Variants in MATN2 observed in about 807,000 individuals in gnomAD.
The protein encoded by MATN2 is matrilin 2, also known as matrilin-2.
A neutral mutation model predicts 103.2 loss-of-function variants in MATN2; 69 were observed. That is an observed-to-expected ratio of 0.67 (90% CI 0.55 to 0.82). The LOEUF (loss-of-function observed/expected upper bound fraction) is 0.82. Ranked by LOEUF, MATN2 falls within the 40% of genes least tolerant of loss-of-function variation. The pLI is 0.00. For missense variants in MATN2, 1,023 were observed against 1,211.5 expected, an observed-to-expected ratio of 0.84 and a Z score of 2.31; for synonymous variants, 429 against 450.2, an observed-to-expected ratio of 0.95 and a Z score of 0.60.
intron 5 of MATN2, among the ~76,000 whole-genome samples, chr8:97,974,998 T>C (rs4517092): frequency 0.046 from 6,996 of 152,266 alleles, 554 homozygotes; most frequent in East Asian, 0.34. Flanking sequence ...TGCAGTTGGT[T>C]CACAGACCAC....
intron 13 of MATN2, chr8:98,025,092 GC>G (rs1230911284): frequency 6.6e-6 from 1 of 152,228 alleles, no homozygotes; most frequent in Non-Finnish European, 1.5e-5. Context: ...CTGCTGAAGA[GC>G]CACATGCATG....
intron 1 of MATN2, among the ~76,000 whole-genome samples, chr8:97,878,658 T>C (rs1021702656): frequency 2.0e-5 from 3 of 151,942 alleles, no homozygotes; most frequent in African/African-American, 7.3e-5. Context: ...AAGACCAGCC[T>C]AGCCAACGTG....
Position 97,941,895 on chromosome 8 carries a change from C to T in MATN2, c.831C>T (p.Cys277=). 1.2e-6 allele frequency: 2 copies of T among 1,612,810 alleles called. No individual in the cohort carries two copies. Among genetic ancestry groups the T allele is most frequent in the Non-Finnish European group, 1.7e-6 (2 of 1,179,120 alleles). ...TTCTCAACTCGGATCAGACGACTTGCAGAAGTAAGATTGCTTTGCTGATGT... is the reference window on the plus strand; with the variant it reads ...TTCTCAACTCGGATCAGACGACTTGTAGAAGTAAGATTGCTTTGCTGATGT... The part of the protein sequence containing the change: ...GYILNSDQTT[C]RIQDLCAMED... Residue 277 remains cysteine (C), a synonymous_variant, in exon 4 of 19, where the codon TGC becomes TGT. Coordinates refer to ENST00000254898, the MANE Select transcript of MATN2 (RefSeq NM_002380.5).
chr8:98,007,797 C>T lies in MATN2; in HGVS notation c.1573+196C>T, dbSNP rs529918234. 3.9e-5 allele frequency among the ~76,000 whole-genome samples: 6 copies of T among 152,322 alleles called. No individual in the cohort carries two copies. The highest frequency in any genetic ancestry group is 3.4e-3 in the Middle Eastern group (1 of 294). On this transcript the variant is annotated intron_variant, in intron 10 of 18. Coordinates refer to ENST00000254898, the MANE Select transcript of MATN2 (RefSeq NM_002380.5). This position sits in a 1 kb window ranked among gnomAD's most constrained non-coding sequence, Gnocchi z 4.2. ...CAACTCCCCTCAATCTTCCTTCCCC[C>T]GTGCCCTGAAGTGGCTTTTTGCTGT... is the stretch of plus-strand genomic sequence containing the variant.
intron 2 of MATN2, among the ~76,000 whole-genome samples, chr8:97,913,314 A>ATT (rs5893435): frequency 1.2e-4 from 16 of 137,044 alleles, no homozygotes; most frequent in Admixed American, 1.5e-4. Context: ...ACAGCAATCG[A>ATT]TTTTTTTTTT....
chr8:97,886,896 TG>T (rs1292220414), intron 1 of MATN2, among the ~76,000 whole-genome samples: 1 of 151,962 alleles, frequency 6.6e-6, no homozygotes, highest in Non-Finnish European at 1.5e-5. Flanking sequence ...GGTTTGAATT[TG>T]TTTTACCTTT....
intron 4 of MATN2, among the ~76,000 whole-genome samples, chr8:97,950,053 TG>T (rs998668468): frequency 2.0e-5 from 3 of 151,816 alleles, no homozygotes; most frequent in Non-Finnish European, 2.9e-5. Flanking sequence ...TCAGGAAACT[TG>T]GGGGGGTGAT....
intron 2 of MATN2, among the ~76,000 whole-genome samples, chr8:97,904,652 G>T (rs1373792348): frequency 1.3e-5 from 2 of 152,144 alleles, no homozygotes; most frequent in African/African-American, 4.8e-5. Context: ...TCTTCTCAAA[G>T]TCCTTGAAAT....
intron 2 of MATN2, among the ~76,000 whole-genome samples, chr8:97,898,405 G>A (rs1256745339): frequency 1.3e-5 from 2 of 152,108 alleles, no homozygotes; most frequent in African/African-American, 4.8e-5. Context: ...AGACCAGCCT[G>A]GCCAACATGG....
chr8:97,898,050 C>A (rs749484622), intron 2 of MATN2, among the ~76,000 whole-genome samples: 4 of 152,092 alleles, frequency 2.6e-5, no homozygotes, highest in Non-Finnish European at 5.9e-5. Context: ...ATCTTTCCCT[C>A]TCCAGTACCC....
chr8:98,027,774 C>G lies in MATN2; in HGVS notation c.2301C>G (p.Thr767=), dbSNP rs750319594. Residue 767 remains threonine (T), a synonymous_variant, in exon 14 of 19, where the codon ACC becomes ACG. Coordinates refer to ENST00000254898, the MANE Select transcript of MATN2 (RefSeq NM_002380.5). ...TRVPRAAIVF[T]DGRAQDDVSE... is the part of the protein sequence containing the mutation. The stretch of plus-strand genomic sequence containing the variant: ...TGCCCAGAGCAGCCATTGTGTTCAC[C>G]GACGGACGGGCTCAGGATGACGTCT... The G allele has an allele frequency of 6.2e-7, 1 of 1,605,274 alleles. No homozygotes were observed. The highest frequency in any genetic ancestry group is 1.1e-5 in the South Asian group (1 of 89,828).
At chr8:98,010,549 C>G (rs1444135021) in intron 10 of MATN2, among the ~76,000 whole-genome samples, 1 of 152,170 alleles carries the variant, frequency 6.6e-6, no homozygotes, top group African/African-American at 2.4e-5. Context: ...AACTTGTGGA[C>G]TGCCGTGACC....
intron 13 of MATN2, chr8:98,025,148 G>A (rs1813741791): frequency 6.6e-6 from 1 of 152,190 alleles, no homozygotes; most frequent in South Asian, 2.1e-4. Context: ...GACTATGAAT[G>A]TAAATGAAGC....
intron 11 of MATN2, among the ~76,000 whole-genome samples, chr8:98,017,203 T>C (rs1250133506): frequency 6.6e-6 from 1 of 152,240 alleles, no homozygotes; most frequent in Non-Finnish European, 1.5e-5. Flanking sequence ...CTGGGAAAGT[T>C]GCCTAACTTC....
chr8:97,942,021 G>A (rs1810585333), intron 4 of MATN2, 122 bp downstream of exon 4: 1 of 1,269,980 alleles, frequency 7.9e-7, no homozygotes, highest in South Asian at 1.4e-5. Flanking sequence ...CATCCCTTGG[G>A]GACAGAAATA....
At chr8:97,920,488 G>A (rs1484776158) in intron 2 of MATN2, among the ~76,000 whole-genome samples, 2 of 152,200 alleles carry the variant, frequency 1.3e-5, no homozygotes, top group Non-Finnish European at 2.9e-5. Flanking sequence ...GATTATAGGC[G>A]TGAGCCACTG....
chr8:97,971,163 G>C (rs1268070433), intron 5 of MATN2, among the ~76,000 whole-genome samples: 4 of 152,154 alleles, frequency 2.6e-5, no homozygotes, highest in African/African-American at 9.7e-5. Context: ...CTGTCAGAGA[G>C]TCCTGACGGT....
intron 2 of MATN2, among the ~76,000 whole-genome samples, chr8:97,889,659 G>A (rs1818565899): frequency 6.6e-6 from 1 of 151,754 alleles, no homozygotes; most frequent in Non-Finnish European, 1.5e-5. Context: ...GGCCAGGCTG[G>A]TCTCAAACTC....
At chr8:98,015,529 T>C (rs932346966) in intron 10 of MATN2, among the ~76,000 whole-genome samples, 2 of 152,126 alleles carry the variant, frequency 1.3e-5, no homozygotes, top group Admixed American at 6.5e-5. Context: ...AGTTTGCAAA[T>C]GCTGTTCTTT....
Sources: allele counts gnomAD v4.1 joint callset (sites outside exome capture counted in the v4.1 genomes callset), GRCh38; gene constraint gnomAD v4.1.1; non-coding constraint Gnocchi (gnomAD v3.1); transcripts MANE v1.5; gene names NCBI Gene and HGNC (gene_info 2026-07-23, HGNC 2026-07-21).